Variants in VSNL1 observed in about 807,000 individuals in gnomAD.
The protein encoded by VSNL1 is visinin like 1, also known as visinin-like protein 1.
In VSNL1, 6 loss-of-function variants were observed where a neutral mutation model predicts 20.4. That is an observed-to-expected ratio of 0.29 (90% CI 0.16 to 0.58). The LOEUF is 0.58. Among genes scored for constraint, VSNL1 ranks in the 20% least tolerant of loss-of-function variants. The pLI is 0.90. For missense variants in VSNL1, 100 were observed against 234.5 expected (o/e 0.43, Z 3.75); for synonymous variants, 93 against 86.4 (o/e 1.08, Z -0.42).
At chr2:17,615,375 G>A (rs1665192187) in intron 2 of VSNL1, among the ~76,000 whole-genome samples, 2 of 152,064 alleles carry the variant, frequency 1.3e-5, no homozygotes, top group Non-Finnish European at 2.9e-5. Context: ...GTATTCATGA[G>A]GTGTAATTTG....
At chr2:17,629,858 C>T (rs947719732) in intron 2 of VSNL1, among the ~76,000 whole-genome samples, 9 of 152,176 alleles carry the variant, frequency 5.9e-5, no homozygotes, top group East Asian at 5.8e-4. Flanking sequence ...AGAGGGGACA[C>T]GGTGGGGTGG....
rs1485490891 is a variant in VSNL1, at chr2:17,656,072, G to T, written c.*678G>T. ...CTATCTATATATACATATACACAAA[G>T]ATATTATTTATCGAAAGTAAAAAAG... is the stretch of plus-strand genomic sequence containing the variant. On this transcript the variant is annotated 3_prime_UTR_variant, in exon 4 of 4. Coordinates refer to ENST00000295156, the MANE Select transcript of VSNL1 (RefSeq NM_003385.5). 2 of 152,530 alleles carry T rather than the reference G, an allele frequency of 1.3e-5. No individual in the cohort carries two copies. Among genetic ancestry groups the T allele is most frequent in the African/African-American group, 4.8e-5 (2 of 41,406 alleles). The allele number at this position is 152,530 out of a possible 1,614,324, so 9.4% of individuals were successfully genotyped here. A position where few individuals can be genotyped will look rare whatever the true frequency, so the allele number is the denominator to read the frequency against.
intron 2 of VSNL1, among the ~76,000 whole-genome samples, chr2:17,631,197 G>A (rs2103412005): frequency 6.6e-6 from 1 of 151,744 alleles, no homozygotes; most frequent in African/African-American, 2.4e-5. Context: ...ATGAGAGAGA[G>A]AGGAAAGTAT....
intron 2 of VSNL1, among the ~76,000 whole-genome samples, chr2:17,625,535 A>G (rs1196699664): frequency 6.6e-6 from 1 of 152,184 alleles, no homozygotes; most frequent in Non-Finnish European, 1.5e-5. Flanking sequence ...GTTATTGGTT[A>G]TCAGAACAGA....
chr2:17,588,695 T>G (rs1019456725), intron 1 of VSNL1, among the ~76,000 whole-genome samples: 3 of 152,212 alleles, frequency 2.0e-5, no homozygotes, highest in African/African-American at 4.8e-5. Flanking sequence ...GGGTCCCACC[T>G]GCAAGGTATT....
intron 1 of VSNL1, among the ~76,000 whole-genome samples, chr2:17,546,967 T>C (rs1227110663): frequency 6.6e-6 from 1 of 152,026 alleles, no homozygotes; most frequent in Admixed American, 6.6e-5. Context: ...TTAAATCCTA[T>C]GTATAAAATT....
At chr2:17,635,671 G>A (rs1665732894) in intron 2 of VSNL1, among the ~76,000 whole-genome samples, 1 of 152,190 alleles carries the variant, frequency 6.6e-6, no homozygotes, top group African/African-American at 2.4e-5. Flanking sequence ...CCCCACCTCA[G>A]AGGACTGTTG....
In VSNL1 at chr2:17,630,015, G is replaced by A. The variant is rs140642013; in HGVS notation, c.163-19395G>A. 3.8e-3 allele frequency among the ~76,000 whole-genome samples: 576 copies of A among 152,334 alleles called. 1 individual carries two copies. The highest frequency in any genetic ancestry group is 0.011 in the South Asian group (51 of 4,834). On this transcript the variant is annotated intron_variant, in intron 2 of 3. Transcript: ENST00000295156. ...GAAGACAACACCCAAAGGTGGGCAC[G>A]ATAGTGTAGAAAAACAATTAGGAAA...
chr2:17,550,928 C>T (rs759908273), intron 1 of VSNL1, among the ~76,000 whole-genome samples: 4 of 152,176 alleles, frequency 2.6e-5, no homozygotes, highest in African/African-American at 9.7e-5. Context: ...TGCCAACTCT[C>T]GCATAAAACT....
At chr2:17,572,250 G>A (rs954290292) in intron 1 of VSNL1, among the ~76,000 whole-genome samples, 3 of 152,200 alleles carry the variant, frequency 2.0e-5, no homozygotes, top group Non-Finnish European at 2.9e-5. Context: ...TTAGAAACTA[G>A]ATAGCAAGTG....
At chr2:17,567,385 G>T (rs1378738076) in intron 1 of VSNL1, 3 of 115,812 alleles carry the variant, frequency 2.6e-5, no homozygotes, top group Non-Finnish European at 3.4e-5. Flanking sequence ...TTTAGAAGGA[G>T]TCTGCCTCTG....
intron 2 of VSNL1, among the ~76,000 whole-genome samples, chr2:17,618,219 T>G (rs1028684132): frequency 6.6e-6 from 1 of 152,208 alleles, no homozygotes; most frequent in South Asian, 2.1e-4. Context: ...ACAAATGTAT[T>G]ATCTTACACT....
intron 1 of VSNL1, among the ~76,000 whole-genome samples, chr2:17,585,193 G>A (rs1221762424): frequency 6.6e-6 from 1 of 152,110 alleles, no homozygotes; most frequent in Non-Finnish European, 1.5e-5. Context: ...AGAGGATGCT[G>A]TAAGAAGGGA....
At chr2:17,593,398 A>T (rs1664638775) in intron 2 of VSNL1, among the ~76,000 whole-genome samples, 1 of 152,232 alleles carries the variant, frequency 6.6e-6, no homozygotes, top group African/African-American at 2.4e-5. Context: ...AGCAAGTCTC[A>T]AAAGATTCTA....
intron 1 of VSNL1, among the ~76,000 whole-genome samples, chr2:17,546,260 C>A (rs1370931329): frequency 2.0e-5 from 3 of 151,958 alleles, no homozygotes; most frequent in African/African-American, 7.2e-5. Flanking sequence ...AGAATGAATC[C>A]TATTCATTGC....
intron 1 of VSNL1, among the ~76,000 whole-genome samples, chr2:17,556,932 C>T (rs426590): frequency 0.29 from 44,467 of 152,026 alleles, 8,301 homozygotes; most frequent in East Asian, 0.87. Context: ...AAGGTCTTTT[C>T]ACTTTTCACA....
At chr2:17,548,688 C>T (rs1321398207) in intron 1 of VSNL1, among the ~76,000 whole-genome samples, 1 of 152,118 alleles carries the variant, frequency 6.6e-6, no homozygotes, top group Admixed American at 6.5e-5. Context: ...TACATTTCAC[C>T]ATTTCTCCTT....
At chr2:17,568,020 C>T in intron 1 of VSNL1, among the ~76,000 whole-genome samples, 1 of 152,082 alleles carries the variant, frequency 6.6e-6, no homozygotes, top group Non-Finnish European at 1.5e-5. Context: ...TGATTCCTTA[C>T]AAATGGCATA....
chr2:17,551,713 C>G (rs544124908), intron 1 of VSNL1, among the ~76,000 whole-genome samples: 1 of 152,014 alleles, frequency 6.6e-6, no homozygotes, highest in African/African-American at 2.4e-5. Flanking sequence ...GACATTCTTC[C>G]AAAGAGGTGC....
Sources: gnomAD v4.1 joint callset for allele counts (sites outside exome capture counted in the v4.1 genomes callset) on GRCh38, gnomAD v4.1.1 for gene constraint, MANE v1.5 for transcripts, NCBI Gene and HGNC (gene_info 2026-07-23, HGNC 2026-07-21) for gene names.